Variants in CYYR1 observed in about 807,000 individuals in gnomAD.
The protein encoded by CYYR1 is cysteine and tyrosine-rich protein 1.
A neutral mutation model predicts 15.2 loss-of-function variants in CYYR1; 14 were observed. The ratio of observed to expected loss-of-function variants is 0.92; its 90% CI spans 0.61 to 1.44. The LOEUF (loss-of-function observed/expected upper bound fraction) is 1.44. CYYR1 is among the 40% of genes most tolerant of loss of function. CYYR1 has a pLI of 0.00. For missense variants in CYYR1, 228 were observed against 209.5 expected (o/e 1.09, Z -0.54); for synonymous variants, 80 against 77.4 (o/e 1.03, Z -0.18).
intron 2 of CYYR1, among the ~76,000 whole-genome samples, chr21:26,549,242 T>G (rs756002390): frequency 1.3e-5 from 2 of 152,120 alleles, no homozygotes; most frequent in African/African-American, 2.4e-5. Context: ...AAACAATAAA[T>G]TTTGGGGTTC....
chr21:26,469,541 G>A (rs2065008750), intron 3 of CYYR1, among the ~76,000 whole-genome samples: 2 of 152,064 alleles, frequency 1.3e-5, no homozygotes, highest in South Asian at 2.1e-4. Flanking sequence ...GGGGTACAGA[G>A]TGATGTTTTG....
intron 2 of CYYR1, chr21:26,564,656 T>TA: frequency 9.6e-7 from 1 of 1,041,492 alleles, no homozygotes; most frequent in Non-Finnish European, 1.2e-6. Flanking sequence ...TATATGTATT[T>TA]ACCAGGGTGG....
intron 2 of CYYR1, among the ~76,000 whole-genome samples, chr21:26,540,584 C>T (rs1441893880): frequency 3.9e-5 from 6 of 152,108 alleles, no homozygotes; most frequent in Admixed American, 2.6e-4. Context: ...TCCCAGCAGC[C>T]CATCTAAGGC....
intron 2 of CYYR1, among the ~76,000 whole-genome samples, chr21:26,490,305 A>T (rs2065310760): frequency 6.6e-6 from 1 of 152,016 alleles, no homozygotes; most frequent in Non-Finnish European, 1.5e-5. Flanking sequence ...GTCTCAAAAA[A>T]TTTAAAAAAA....
intron 3 of CYYR1, among the ~76,000 whole-genome samples, chr21:26,475,754 A>G (rs552002354): frequency 1.3e-5 from 2 of 152,306 alleles, no homozygotes; most frequent in South Asian, 2.1e-4. Flanking sequence ...TTAATATGAC[A>G]TCAAAGAAGG....
At chr21:26,478,050 C>A in intron 3 of CYYR1, 1 of 1,548,014 alleles carries the variant, frequency 6.5e-7, no homozygotes, top group Non-Finnish European at 8.7e-7. Flanking sequence ...GCTGAGTGCC[C>A]ATTATGTACC....
intron 2 of CYYR1, among the ~76,000 whole-genome samples, chr21:26,499,712 T>C (rs1174444958): frequency 6.6e-6 from 1 of 152,118 alleles, no homozygotes; most frequent in Non-Finnish European, 1.5e-5. Context: ...CTGGGTCTGA[T>C]TGCACATGAA....
intron 2 of CYYR1, among the ~76,000 whole-genome samples, chr21:26,504,346 C>T (rs2065525729): frequency 6.6e-6 from 1 of 152,068 alleles, no homozygotes; most frequent in Non-Finnish European, 1.5e-5. Context: ...TCTTGGCTCA[C>T]TGCAACCTCT....
intron 2 of CYYR1, among the ~76,000 whole-genome samples, chr21:26,549,205 A>G (rs1979201161): frequency 6.6e-6 from 1 of 152,130 alleles, no homozygotes; most frequent in Non-Finnish European, 1.5e-5. Context: ...CTTTTCTCTC[A>G]TGTGCTACTT....
At chr21:26,520,492 G>C (rs956361685) in intron 2 of CYYR1, among the ~76,000 whole-genome samples, 2 of 151,926 alleles carry the variant, frequency 1.3e-5, no homozygotes, top group Non-Finnish European at 2.9e-5. Context: ...ATGGGCATTT[G>C]GGTTGGTTCC....
chr21:26,495,793 G>T lies in CYYR1; in HGVS notation c.177-15364C>A, dbSNP rs117872483. Among the ~76,000 whole-genome samples, 655 of 152,354 alleles carry T rather than the reference G, an allele frequency of 4.3e-3. 5 individuals carry two copies. Among genetic ancestry groups the T allele is most frequent in the South Asian group, 6.4e-3 (31 of 4,832 alleles). ...AGCATAATCAACTTCACGATTAAAAGAAGAGGATATGGATTCCAGAATCTT... is the reference window on the plus strand; with the variant it reads ...AGCATAATCAACTTCACGATTAAAATAAGAGGATATGGATTCCAGAATCTT... On this transcript the variant is annotated intron_variant, in intron 2 of 3. Coordinates refer to ENST00000652641, the MANE Select transcript of CYYR1 (RefSeq NM_001320768.2).
At chr21:26,474,914 A>G (rs2065083776) in intron 3 of CYYR1, among the ~76,000 whole-genome samples, 1 of 152,068 alleles carries the variant, frequency 6.6e-6, no homozygotes, top group African/African-American at 2.4e-5. Flanking sequence ...TTCAGCACTG[A>G]TTTATGGGCC....
intron 2 of CYYR1, among the ~76,000 whole-genome samples, chr21:26,535,026 TATTC>T (rs1400860720): frequency 1.3e-5 from 2 of 152,184 alleles, no homozygotes; most frequent in African/African-American, 4.8e-5. Flanking sequence ...TTACTTAACT[TATTC>T]ATTCATTTTT....
rs1268582182 is a variant in CYYR1, at chr21:26,509,556, A to G, written c.177-29127T>C. Among the ~76,000 whole-genome samples the G allele has an allele frequency of 2.0e-5, 3 of 152,202 alleles. No homozygotes were observed. The East Asian group carries it at 5.8e-4, about 29-fold the overall frequency. ...AGTTTTGTTAGAATAAGCTGAGCTTATGCTGCAGTGACAACTGGCCCTCAG... is the reference window on the plus strand; with the variant it reads ...AGTTTTGTTAGAATAAGCTGAGCTTGTGCTGCAGTGACAACTGGCCCTCAG... On this transcript the variant is annotated intron_variant, in intron 2 of 3. Transcript: ENST00000652641.
chr21:26,498,440 C>T (rs1363277259), intron 2 of CYYR1, among the ~76,000 whole-genome samples: 2 of 152,058 alleles, frequency 1.3e-5, no homozygotes, highest in African/African-American at 2.4e-5. Context: ...AGTAGGAAGG[C>T]AAAAGAGCAC....
intron 2 of CYYR1, among the ~76,000 whole-genome samples, chr21:26,512,012 A>ACT (rs2065655013): frequency 6.7e-6 from 1 of 150,360 alleles, no homozygotes; most frequent in African/African-American, 2.5e-5. Flanking sequence ...ACACACACAC[A>ACT]CTCTGCTTGA....
In CYYR1 at chr21:26,468,536, G is replaced by T. The variant is rs2064995146; in HGVS notation, c.433C>A (p.Pro145Thr). ...GCGTTTCCAGGATAAGGAGGGGGTG[G>T]AGAACGCTGTGCTGGACCCTGTGGG... Reference protein sequence around the residue: ...PTPQGPAQRSPPPPYPGNARK With the variant: ...PTPQGPAQRSTPPPYPGNARK The change falls in exon 4 of 4, where the codon CCA (proline) becomes ACA (threonine). Residue 145 changes from proline (P) to threonine (T), a missense_variant. Physicochemically the swap from Pro to Thr is conservative, Grantham distance 38. Transcript: ENST00000652641. The T allele has an allele frequency of 6.2e-7, 1 of 1,609,596 alleles. No individual in the cohort carries two copies. Among genetic ancestry groups the T allele is most frequent in the Non-Finnish European group, 8.5e-7 (1 of 1,175,982 alleles).
At chr21:26,540,738 A>G (rs1368986059) in intron 2 of CYYR1, among the ~76,000 whole-genome samples, 1 of 152,200 alleles carries the variant, frequency 6.6e-6, no homozygotes, top group African/African-American at 2.4e-5. Flanking sequence ...ATTCTTTTAA[A>G]AAAAAATGTC....
chr21:26,556,302 T>G (rs1279926148), intron 2 of CYYR1, among the ~76,000 whole-genome samples: 1 of 152,194 alleles, frequency 6.6e-6, no homozygotes, highest in Non-Finnish European at 1.5e-5. Context: ...GATCTGTGTT[T>G]AAATAATCTA....
Sources: gnomAD v4.1 joint callset for allele counts (sites outside exome capture counted in the v4.1 genomes callset) on GRCh38, gnomAD v4.1.1 for gene constraint, MANE v1.5 for transcripts, NCBI Gene and HGNC (gene_info 2026-07-23, HGNC 2026-07-21) for gene names.